The following DTNA variants were observed in gnomAD, a reference collection of about 807,000 sequenced individuals.
DTNA encodes dystrophin-related protein 3.
A neutral mutation model predicts 100.7 loss-of-function variants in DTNA; 43 were observed. The ratio of observed to expected loss-of-function variants is 0.43; its 90% CI spans 0.33 to 0.55. The LOEUF is 0.55. DTNA is among the 20% of genes least tolerant of loss of function. The pLI is 0.04. For missense variants in DTNA, 798 were observed against 953.9 expected, an observed-to-expected ratio of 0.84 and a Z score of 2.15; for synonymous variants, 349 against 347.9, an observed-to-expected ratio of 1.00 and a Z score of -0.04.
chr18:34,696,366 CA>C (rs945558557), intron 1 of DTNA, among the ~76,000 whole-genome samples: 2 of 152,088 alleles, frequency 1.3e-5, no homozygotes, highest in African/African-American at 4.8e-5. Context: ...AACACAAGGT[CA>C]AGAGATCAAG....
At chr18:34,533,167 T>C (rs1267297517) in intron 1 of DTNA, among the ~76,000 whole-genome samples, 1 of 151,642 alleles carries the variant, frequency 6.6e-6, no homozygotes, top group African/African-American at 2.4e-5. Flanking sequence ...GGTCAGAAGT[T>C]CACGACCAGC....
Position 34,580,763 on chromosome 18 carries a change from C to T in DTNA, c.-2+87249C>T, listed in dbSNP as rs867198422. 1.2e-4 allele frequency among the ~76,000 whole-genome samples: 19 copies of T among 152,274 alleles called. No homozygotes were observed. The South Asian group carries it at 1.9e-3, about 15-fold the overall frequency. On this transcript the variant is annotated intron_variant, in intron 1 of 19. Transcript: ENST00000283365. ...ACTTCTGGAGAACTGCTACTGTGCACTGAATGAAGACCTCTGCACCTTGAG... is the reference window on the plus strand; with the variant it reads ...ACTTCTGGAGAACTGCTACTGTGCATTGAATGAAGACCTCTGCACCTTGAG...
chr18:34,594,094 TA>T (rs1488480626), intron 1 of DTNA, among the ~76,000 whole-genome samples: 3 of 152,076 alleles, frequency 2.0e-5, no homozygotes, highest in Admixed American at 1.3e-4. Flanking sequence ...TAATAGAAGT[TA>T]TTTTTTAGTG....
At position 34,753,052 on chromosome 18, in the gene DTNA, G is replaced by T. The variant is rs554786151; in HGVS notation, c.-1-2924G>T. ...GAAACCAAACTTAGCTTGTTTTGCT[G>T]TTTTCTCTCTTTCCTCTTTTTTTTC... On this transcript the variant is annotated intron_variant, in intron 1 of 22. Transcript: ENST00000444659. 2.6e-5 allele frequency among the ~76,000 whole-genome samples: 4 copies of T among 152,128 alleles called. No individual in the cohort carries two copies. In the East Asian group the frequency reaches 5.8e-4, roughly 22 times the overall value.
intron 1 of DTNA, among the ~76,000 whole-genome samples, chr18:34,732,027 A>G (rs1313900268): frequency 6.6e-6 from 1 of 152,136 alleles, no homozygotes; most frequent in African/African-American, 2.4e-5. Context: ...CTCACCACCA[A>G]ATCAGTCTCC....
chr18:34,784,883 A>G (rs2148871946), intron 3 of DTNA, among the ~76,000 whole-genome samples: 1 of 152,026 alleles, frequency 6.6e-6, no homozygotes, highest in South Asian at 2.1e-4. Context: ...TCCATATGTT[A>G]CAGCCTGCAT....
chr18:34,690,406 C>T lies in DTNA; in HGVS notation c.-1-65570C>T, dbSNP rs746138678. Reference sequence around the variant, plus strand: ...GGGGAGGGAGTTCCCTAACCTCTTGCGCTTCCCGGGTGAGGCAATGCCCCA... The same window carrying T: ...GGGGAGGGAGTTCCCTAACCTCTTGTGCTTCCCGGGTGAGGCAATGCCCCA... On this transcript the variant is annotated intron_variant, in intron 1 of 19. Transcript: ENST00000283365. Among the ~76,000 whole-genome samples the T allele has an allele frequency of 1.5e-4, 23 of 152,302 alleles. 1 individual carries two copies. Among genetic ancestry groups the T allele is most frequent in the South Asian group, 1.2e-3 (6 of 4,826 alleles).
chr18:34,667,023 A>G (rs1599835721), intron 1 of DTNA, among the ~76,000 whole-genome samples: 1 of 152,232 alleles, frequency 6.6e-6, no homozygotes, highest in East Asian at 1.9e-4. Context: ...CAGTATGGCC[A>G]TTTTCACGAT....
chr18:34,530,264 A>T (rs1294689531), intron 1 of DTNA, among the ~76,000 whole-genome samples: 1 of 152,144 alleles, frequency 6.6e-6, no homozygotes, highest in African/African-American at 2.4e-5. Context: ...TGGGGACTGT[A>T]ATGAATGGTG....
At chr18:34,507,646 T>C (rs2040620005) in intron 1 of DTNA, among the ~76,000 whole-genome samples, 1 of 152,128 alleles carries the variant, frequency 6.6e-6, no homozygotes, top group East Asian at 1.9e-4. Context: ...GTAGCCAACC[T>C]TGAAATTCTC....
At chr18:34,813,725 C>T (rs2095534078) in intron 6 of DTNA, among the ~76,000 whole-genome samples, 1 of 151,356 alleles carries the variant, frequency 6.6e-6, no homozygotes, top group Non-Finnish European at 1.5e-5. Context: ...TGGTGGCAGG[C>T]ACCTGTAGTC....
chr18:34,597,823 C>T (rs1226606227), intron 1 of DTNA, among the ~76,000 whole-genome samples: 2 of 150,702 alleles, frequency 1.3e-5, no homozygotes, highest in African/African-American at 2.4e-5. Flanking sequence ...GAAAACCCCA[C>T]TTTTCCTTTA....
intron 1 of DTNA, among the ~76,000 whole-genome samples, chr18:34,611,506 G>A (rs1028660406): frequency 6.6e-6 from 1 of 152,138 alleles, no homozygotes; most frequent in African/African-American, 2.4e-5. Context: ...GAAGAATCAT[G>A]TATTCTTGAA....
intron 17 of DTNA, chr18:34,866,087 G>A (rs2096699569): frequency 1.2e-6 from 2 of 1,613,362 alleles, no homozygotes; most frequent in Admixed American, 1.7e-5. Flanking sequence ...TAATCTAACT[G>A]TTATTGATTC....
At chr18:34,753,531 C>G (rs898819893) in intron 1 of DTNA, among the ~76,000 whole-genome samples, 4 of 146,026 alleles carry the variant, frequency 2.7e-5, no homozygotes, top group African/African-American at 1.1e-4. Context: ...TACAGGCGCC[C>G]GCCACTACGC....
intron 1 of DTNA, among the ~76,000 whole-genome samples, chr18:34,551,439 A>G (rs1227271028): frequency 6.6e-6 from 1 of 152,090 alleles, no homozygotes; most frequent in African/African-American, 2.4e-5. Context: ...TGCACTCTCC[A>G]TTCAGCAGCC....
chr18:34,592,502 A>ACACACACG (rs1371552393), intron 1 of DTNA, among the ~76,000 whole-genome samples: 2,714 of 150,570 alleles, frequency 0.018, 36 homozygotes, highest in Non-Finnish European at 0.026. Flanking sequence ...ACACACACAC[A>ACACACACG]CACATTTTGT....
intron 1 of DTNA, among the ~76,000 whole-genome samples, chr18:34,567,997 G>A (rs926682255): frequency 6.6e-6 from 1 of 151,870 alleles, no homozygotes; most frequent in African/African-American, 2.4e-5. Context: ...CATGAATATT[G>A]CTTTATGGAG....
chr18:34,798,061 A>T (rs1366923541), intron 4 of DTNA, among the ~76,000 whole-genome samples: 2 of 152,120 alleles, frequency 1.3e-5, no homozygotes, highest in East Asian at 3.9e-4. Context: ...GTGCAGTGGC[A>T]CAATCTTAGC....
Sources: gnomAD v4.1 joint callset for allele counts (sites outside exome capture counted in the v4.1 genomes callset) on GRCh38, gnomAD v4.1.1 for gene constraint, MANE v1.5 for transcripts, NCBI Gene and HGNC (gene_info 2026-07-23, HGNC 2026-07-21) for gene names.